MTUS2: variants seen among roughly 807,000 people sequenced by gnomAD.
The protein encoded by MTUS2 is microtubule associated scaffold protein 2.
A neutral mutation model predicts 114.1 loss-of-function variants in MTUS2; 40 were observed. That is an observed-to-expected ratio of 0.35 (90% CI 0.27 to 0.46). The LOEUF is 0.46. Ranked by LOEUF, MTUS2 falls within the 20% of genes least tolerant of loss-of-function variation. MTUS2 has a pLI of 1.00. For missense variants in MTUS2, 1,679 were observed against 1,705.4 expected, an observed-to-expected ratio of 0.98 and a Z score of 0.27; for synonymous variants, 688 against 672.0, an observed-to-expected ratio of 1.02 and a Z score of -0.37.
chr13:29,428,615 C>T (rs1019800498), intron 8 of MTUS2: 6 of 344,988 alleles, frequency 1.7e-5, no homozygotes, highest in Non-Finnish European at 2.6e-5. Flanking sequence ...CGCCCTCCCT[C>T]CCGCAGCAGC....
intron 5 of MTUS2, among the ~76,000 whole-genome samples, chr13:29,205,987 T>A (rs774063082): frequency 2.0e-5 from 3 of 152,200 alleles, no homozygotes; most frequent in Non-Finnish European, 4.4e-5. Context: ...GTCTCCACAC[T>A]GTTTTCCATA....
intron 2 of MTUS2, among the ~76,000 whole-genome samples, chr13:28,918,775 A>G (rs977857090): frequency 4.6e-5 from 7 of 151,586 alleles, no homozygotes; most frequent in African/African-American, 1.7e-4. Flanking sequence ...CCTGTCTTTT[A>G]GTGAAGGTGA....
At chr13:29,312,944 C>T (rs1899834087) in intron 6 of MTUS2, among the ~76,000 whole-genome samples, 2 of 152,180 alleles carry the variant, frequency 1.3e-5, no homozygotes, top group Non-Finnish European at 2.9e-5. Flanking sequence ...GTCAGGAATT[C>T]ACCTAATCTC....
At chr13:28,993,864 T>C (rs1454200198) in intron 2 of MTUS2, among the ~76,000 whole-genome samples, 2 of 152,074 alleles carry the variant, frequency 1.3e-5, no homozygotes, top group South Asian at 2.1e-4. Context: ...TTTTCATTTA[T>C]GTATATTCTA....
intron 2 of MTUS2, among the ~76,000 whole-genome samples, chr13:28,930,591 A>G (rs1055112979): frequency 1.3e-5 from 2 of 152,224 alleles, no homozygotes; most frequent in African/African-American, 4.8e-5. Context: ...TAGCATTTCA[A>G]CAAGAACATC....
intron 5 of MTUS2, among the ~76,000 whole-genome samples, chr13:29,179,927 G>A (rs1893928594): frequency 6.6e-6 from 1 of 152,176 alleles, no homozygotes; most frequent in African/African-American, 2.4e-5. Context: ...CAGTTGTTGT[G>A]TTCTTAGGCA....
At chr13:28,956,107 G>A (rs945214778) in intron 2 of MTUS2, among the ~76,000 whole-genome samples, 12 of 133,158 alleles carry the variant, frequency 9.0e-5, no homozygotes, top group African/African-American at 3.2e-4. Context: ...TCATTCTTAT[G>A]CCTTTGCGTC....
At chr13:29,234,215 C>A (rs1243787072) in intron 5 of MTUS2, among the ~76,000 whole-genome samples, 1 of 152,054 alleles carries the variant, frequency 6.6e-6, no homozygotes, top group African/African-American at 2.4e-5. Flanking sequence ...ATCTATTGAG[C>A]ACCTACTATA....
At chr13:29,203,836 A>G (rs1593598345) in intron 5 of MTUS2, among the ~76,000 whole-genome samples, 1 of 151,172 alleles carries the variant, frequency 6.6e-6, no homozygotes, top group South Asian at 2.1e-4. Context: ...GCTTCATCTC[A>G]CCCCCCATGG....
intron 4 of MTUS2, among the ~76,000 whole-genome samples, chr13:29,093,628 T>C (rs1312218873): frequency 2.0e-5 from 3 of 152,234 alleles, no homozygotes; most frequent in Admixed American, 6.5e-5. Context: ...CTTGCTAAAC[T>C]CATTTATTAG....
chr13:29,229,614 A>G (rs1896245986), intron 5 of MTUS2, among the ~76,000 whole-genome samples: 1 of 152,230 alleles, frequency 6.6e-6, no homozygotes, highest in African/African-American at 2.4e-5. Flanking sequence ...CTTTAAAAAT[A>G]AACTCACAAT....
intron 2 of MTUS2, among the ~76,000 whole-genome samples, chr13:28,937,012 G>T (rs1881938306): frequency 6.6e-6 from 1 of 152,254 alleles, no homozygotes; most frequent in African/African-American, 2.4e-5. Flanking sequence ...AGGAAATAGG[G>T]GCAGAATTTG....
intron 9 of MTUS2, among the ~76,000 whole-genome samples, chr13:29,445,370 C>T (rs1355723983): frequency 6.6e-6 from 1 of 152,126 alleles, no homozygotes; most frequent in Non-Finnish European, 1.5e-5. Context: ...TCCCACAAGA[C>T]CACCTCCACC....
intron 8 of MTUS2, among the ~76,000 whole-genome samples, chr13:29,373,972 ACAAG>A (rs1365261469): frequency 6.6e-6 from 1 of 152,246 alleles, no homozygotes; most frequent in Non-Finnish European, 1.5e-5. Flanking sequence ...TTCAGGAAGT[ACAAG>A]CAGTTACCCT....
At chr13:28,894,760 G>A (rs1383443224) in intron 2 of MTUS2, among the ~76,000 whole-genome samples, 1 of 152,226 alleles carries the variant, frequency 6.6e-6, no homozygotes, top group Non-Finnish European at 1.5e-5. Context: ...ACAAATTTTG[G>A]TAAAGGGTAG....
At chr13:29,367,617 G>T (rs888557887) in intron 8 of MTUS2, among the ~76,000 whole-genome samples, 2 of 152,134 alleles carry the variant, frequency 1.3e-5, no homozygotes, top group Non-Finnish European at 2.9e-5. Flanking sequence ...GGGGACCTGG[G>T]GTCCCGATGG....
rs566384082 is a variant in MTUS2 at position 29,173,718 on chromosome 13, G to T, written c.2644+72748G>T. Among the ~76,000 whole-genome samples the T allele has an allele frequency of 5.3e-5, 8 of 151,784 alleles. No individual in the cohort carries two copies. In the South Asian group the frequency reaches 1.7e-3, roughly 32 times the overall value. On this transcript the variant is annotated intron_variant, in intron 5 of 15. Transcript: ENST00000612955. Reference sequence around the variant, plus strand: ...AACCCTTCTGAGAAGACTATCAGTGGGTCAGTACTACAGTCAAAGAAATTA... The same window carrying T: ...AACCCTTCTGAGAAGACTATCAGTGTGTCAGTACTACAGTCAAAGAAATTA...
At chr13:29,488,660 C>T (rs951267523) in intron 11 of MTUS2, among the ~76,000 whole-genome samples, 5 of 152,020 alleles carry the variant, frequency 3.3e-5, no homozygotes, top group African/African-American at 4.8e-5. Context: ...ATGGAAGCCC[C>T]GGCATGGATA....
intron 5 of MTUS2, among the ~76,000 whole-genome samples, chr13:29,196,290 G>T (rs1164022351): frequency 6.6e-6 from 1 of 151,914 alleles, no homozygotes; most frequent in Non-Finnish European, 1.5e-5. Flanking sequence ...AGAGACGGGG[G>T]TTTCACCACG....
Sources: allele counts gnomAD v4.1 joint callset (sites outside exome capture counted in the v4.1 genomes callset), GRCh38; gene constraint gnomAD v4.1.1; transcripts MANE v1.5; gene names NCBI Gene and HGNC (gene_info 2026-07-23, HGNC 2026-07-21).